PFKFB1: variants seen among roughly 807,000 people sequenced by gnomAD.
PFKFB1 encodes the protein 6-phosphofructo-2-kinase/fructose-2,6-bisphosphatase 1.
In PFKFB1, 34 loss-of-function variants were observed where a neutral mutation model predicts 46.4. The ratio of observed to expected loss-of-function variants is 0.73; its 90% CI spans 0.56 to 0.98. The LOEUF is 0.98. Among genes scored for constraint, PFKFB1 ranks in the 50% least tolerant of loss-of-function variants. The pLI is 0.00. For synonymous variants in PFKFB1, 119 were observed against 133.8 expected (o/e 0.89, Z 0.76); for missense variants, 393 against 376.3 (o/e 1.04, Z -0.37).
At chrX:54,966,782 C>T (rs897943737) in intron 1 of PFKFB1, among the ~76,000 whole-genome samples, 1 of 111,678 alleles carries the variant, frequency 9.0e-6, no homozygotes. Flanking sequence ...GGAAATGCTA[C>T]AACCATGACA....
chrX:54,936,392 C>A lies in PFKFB1; in HGVS notation c.1228+1203G>T, dbSNP rs181184100. ...AATGGGGTGGGTGGGGGGGTGAGAACATCTGTCCAGTGCTGCCCTGTCTGG... is the reference window on the plus strand; with the variant it reads ...AATGGGGTGGGTGGGGGGGTGAGAAAATCTGTCCAGTGCTGCCCTGTCTGG... On this transcript the variant is annotated intron_variant, in intron 11 of 13. Transcript: ENST00000375006. Among the ~76,000 whole-genome samples, 3 of 111,029 alleles carry A rather than the reference C, an allele frequency of 2.7e-5. 1 individual carries two copies. In the Admixed American group the frequency reaches 2.9e-4, roughly 11 times the overall value.
At position 54,933,835 on chromosome X, in the gene PFKFB1, GGT is replaced by G. The variant is rs1327662974; in HGVS notation, c.1340_1341del (p.His447ProfsTer5). 1 of 1,206,874 alleles carries G rather than the reference GGT, an allele frequency of 8.3e-7. No individual in the cohort carries two copies. Among genetic ancestry groups the G allele is most frequent in the Non-Finnish European group, 1.1e-6 (1 of 892,872 alleles). On this transcript the variant is annotated frameshift_variant, in exon 13 of 14. Transcript: ENST00000375006. LOFTEE classifies it high-confidence loss of function. Reference protein sequence around the residue: ...IYLNVEAVNTHREKPENVDIT... With the variant: ...IYLNVEAVNTXREKPENVDIT... ...CCCCCACCTACCTCAGGCTTCTCCC[GGT>G]GTGTGTTCACGGCCTCCACATTCAG...
rs181102878 is a variant in PFKFB1, at chrX:54,969,944, T to G, written c.98-6562A>C. On this transcript the variant is annotated intron_variant, in intron 1 of 13. Transcript: ENST00000375006. ...TATTTTTTGAGACACAGTCTTGCTC[T>G]GTCACCCAGGCTGGAGTGCAGTGCC... Among the ~76,000 whole-genome samples the G allele has an allele frequency of 5.3e-4, 60 of 112,407 alleles. 1 individual carries two copies. The highest frequency in any genetic ancestry group is 1.8e-3 in the African/African-American group (55 of 30,974).
In PFKFB1 at chrX:54,936,855, A is replaced by T. The variant is rs191880556; in HGVS notation, c.1228+740T>A. 1.6e-3 allele frequency among the ~76,000 whole-genome samples: 176 copies of T among 111,814 alleles called. 2 individuals carry two copies. The highest frequency in any genetic ancestry group is 3.0e-3 in the Non-Finnish European group (160 of 53,152). On this transcript the variant is annotated intron_variant, in intron 11 of 13. Transcript: ENST00000375006. The stretch of plus-strand genomic sequence containing the variant: ...GATCCAAGACTGTAAAACAGTGTAG[A>T]CATTGAATATAATTTTGCATTGCTC...
intron 8 of PFKFB1, 114 bp downstream of exon 8, chrX:54,951,791 C>T (rs757097161): frequency 1.7e-6 from 1 of 580,082 alleles, no homozygotes; most frequent in Non-Finnish European, 2.8e-6. Flanking sequence ...GAATCTGCTT[C>T]TCCCCCATCC....
intron 1 of PFKFB1, among the ~76,000 whole-genome samples, chrX:54,989,126 T>C (rs1013196926): frequency 1.8e-5 from 2 of 111,479 alleles, no homozygotes; most frequent in African/African-American, 3.3e-5. Flanking sequence ...CTTTTTGGCA[T>C]AAAGAAAATG....
chrX:54,978,927 T>A (rs1934903131), intron 1 of PFKFB1, among the ~76,000 whole-genome samples: 1 of 111,946 alleles, frequency 8.9e-6, no homozygotes, highest in South Asian at 3.6e-4. Context: ...ATTGGATGAT[T>A]CTAAGGAAAT....
intron 1 of PFKFB1, among the ~76,000 whole-genome samples, chrX:54,973,647 G>A (rs957807842): frequency 3.6e-5 from 4 of 111,429 alleles, no homozygotes; most frequent in African/African-American, 9.8e-5. Context: ...TAGGTGAGCA[G>A]TTTTGAGTGA....
rs368314971 is a variant in PFKFB1, at chrX:54,970,560, T to C, written c.98-7178A>G. ...GTCCATGTGTTCTCATTGTTCAATT[T>C]GCACCTATGAGTGAGAATATGCGGT... On this transcript the variant is annotated intron_variant, in intron 1 of 13. Coordinates refer to ENST00000375006, the MANE Select transcript of PFKFB1 (RefSeq NM_002625.4). Among the ~76,000 whole-genome samples the C allele has an allele frequency of 6.1e-3, 432 of 71,132 alleles. 14 individuals carry two copies. The highest frequency in any genetic ancestry group is 0.059 in the Admixed American group (323 of 5,501). 61.8% of individuals were successfully genotyped at this position (71,132 alleles called of 115,157 possible).
intron 11 of PFKFB1, among the ~76,000 whole-genome samples, chrX:54,935,454 G>A (rs1317386546): frequency 4.4e-5 from 5 of 112,450 alleles, no homozygotes; most frequent in African/African-American, 1.6e-4. Context: ...AGCCTGGCCC[G>A]CTCCCTCTGA....
intron 1 of PFKFB1, among the ~76,000 whole-genome samples, chrX:54,968,841 A>G (rs987964426): frequency 2.7e-5 from 3 of 111,350 alleles, no homozygotes; most frequent in African/African-American, 9.8e-5. Flanking sequence ...CTATGAAACT[A>G]GAAGACAGGA....
chrX:54,997,163 T>C (rs1286768050), upstream of PFKFB1, among the ~76,000 whole-genome samples: 1 of 112,197 alleles, frequency 8.9e-6, no homozygotes, highest in East Asian at 2.8e-4. Context: ...CAACTAATCC[T>C]AGTTCAACAA....
chrX:54,939,410 G>C (rs1401479410), intron 10 of PFKFB1, among the ~76,000 whole-genome samples: 4 of 111,723 alleles, frequency 3.6e-5, no homozygotes, highest in African/African-American at 9.8e-5. Context: ...AACTGAAGGA[G>C]ATAGAGACAC....
intron 1 of PFKFB1, among the ~76,000 whole-genome samples, chrX:54,988,223 T>C (rs1935154259): frequency 9.0e-6 from 1 of 111,567 alleles, no homozygotes; most frequent in Non-Finnish European, 1.9e-5. Context: ...TGAAATTAAG[T>C]AAAACAATTT....
chrX:54,989,216 T>TAA (rs1373790384), intron 1 of PFKFB1, among the ~76,000 whole-genome samples: 7 of 111,869 alleles, frequency 6.3e-5, no homozygotes, highest in Non-Finnish European at 5.6e-5. Flanking sequence ...GTGAATTTTA[T>TAA]GGTATGTGAA....
At chrX:54,946,510 C>G (rs926472628) in intron 9 of PFKFB1, among the ~76,000 whole-genome samples, 3 of 111,738 alleles carry the variant, frequency 2.7e-5, no homozygotes, top group Admixed American at 1.9e-4. Flanking sequence ...TTGGGCCCAT[C>G]TACCATGCCC....
intron 10 of PFKFB1, among the ~76,000 whole-genome samples, chrX:54,941,789 T>C (rs1488164677): frequency 1.8e-5 from 2 of 111,976 alleles, no homozygotes; most frequent in African/African-American, 3.3e-5. Context: ...TTTTACACTG[T>C]TGGTGGGACT....
chrX:54,991,565 GTGTGTGTTTGTATA>G (rs771751180), intron 1 of PFKFB1, among the ~76,000 whole-genome samples: 1,435 of 108,797 alleles, frequency 0.013, 31 homozygotes, highest in African/African-American at 0.047. Flanking sequence ...GTGTGTGTGT[GTGTGTGTTTGTATA>G]TGTGTGTAAC....
chrX:54,937,479 T>C, intron 11 of PFKFB1, 116 bp downstream of exon 11: 6 of 649,560 alleles, frequency 9.2e-6, no homozygotes, highest in Non-Finnish European at 1.1e-5. Context: ...AATCTGAACC[T>C]AGGCATCCTT....
Sources: gnomAD v4.1 joint callset for allele counts (sites outside exome capture counted in the v4.1 genomes callset) on GRCh38, gnomAD v4.1.1 for gene constraint, MANE v1.5 for transcripts, NCBI Gene and HGNC (gene_info 2026-07-23, HGNC 2026-07-21) for gene names.